Variants in STXBP5L observed in about 807,000 individuals in gnomAD.
STXBP5L encodes syntaxin binding protein 5L.
Under a neutral mutation model 144.5 loss-of-function variants are expected in STXBP5L, and 65 were observed. That is an observed-to-expected ratio of 0.45 (90% CI 0.37 to 0.55). The LOEUF is 0.55. Ranked by LOEUF, STXBP5L falls within the 20% of genes least tolerant of loss-of-function variation. The pLI is 0.00. For missense variants in STXBP5L, 1,298 were observed against 1,405.5 expected (o/e 0.92, Z 1.22); for synonymous variants, 505 against 469.6 (o/e 1.08, Z -0.97).
At chr3:121,056,897 T>C (rs553546034) in intron 5 of STXBP5L, among the ~76,000 whole-genome samples, 1 of 151,292 alleles carries the variant, frequency 6.6e-6, no homozygotes, top group Admixed American at 6.6e-5. Flanking sequence ...TATTTTTTTG[T>C]TAAACAAATT....
rs571649500 is a variant in STXBP5L, at chr3:121,079,617, C to A, written c.470+34082C>A. Among the ~76,000 whole-genome samples the A allele has an allele frequency of 2.0e-3, 301 of 152,280 alleles. 1 individual carries two copies. Among genetic ancestry groups the A allele is most frequent in the African/African-American group, 6.9e-3 (287 of 41,560 alleles). ...AATTCAAGAGCGTATTATTTAATTTCCATGATTTGTATAGTTTTGAAGGTT... is the reference window on the plus strand; with the variant it reads ...AATTCAAGAGCGTATTATTTAATTTACATGATTTGTATAGTTTTGAAGGTT... On this transcript the variant is annotated intron_variant, in intron 5 of 26. Transcript: ENST00000471454.
intron 20 of STXBP5L, among the ~76,000 whole-genome samples, chr3:121,336,946 T>C (rs939463968): frequency 1.3e-5 from 2 of 152,194 alleles, no homozygotes; most frequent in Non-Finnish European, 2.9e-5. Flanking sequence ...TCATGTCCTT[T>C]GCAGGAACAT....
chr3:121,415,784 C>A, intron 24 of STXBP5L, 73 bp from the exon 25 acceptor site: 1 of 1,015,156 alleles, frequency 9.9e-7, no homozygotes, highest in East Asian at 2.5e-5. Context: ...CCTACTATAT[C>A]ACAGTGTTAC....
intron 20 of STXBP5L, among the ~76,000 whole-genome samples, chr3:121,376,885 G>T (rs897174505): frequency 4.6e-5 from 7 of 152,116 alleles, no homozygotes; most frequent in Non-Finnish European, 8.8e-5. Flanking sequence ...CCATTTGTTT[G>T]TGTCCTCTTT....
At chr3:120,990,214 T>A (rs1019195420) in intron 3 of STXBP5L, among the ~76,000 whole-genome samples, 2 of 151,988 alleles carry the variant, frequency 1.3e-5, no homozygotes, top group Non-Finnish European at 2.9e-5. Flanking sequence ...CACAATTGCT[T>A]CAAAGAGAAT....
chr3:121,299,775 T>A (rs1442043367), intron 19 of STXBP5L, among the ~76,000 whole-genome samples: 1 of 151,742 alleles, frequency 6.6e-6, no homozygotes. Flanking sequence ...TCATTTGAAC[T>A]CAGGAGTTCA....
intron 4 of STXBP5L, among the ~76,000 whole-genome samples, chr3:121,045,004 C>G (rs2107563644): frequency 6.6e-6 from 1 of 152,134 alleles, no homozygotes; most frequent in East Asian, 1.9e-4. Flanking sequence ...ACAGAAAATT[C>G]TTGCAAAGGA....
intron 20 of STXBP5L, among the ~76,000 whole-genome samples, chr3:121,356,785 A>T (rs3845856): frequency 0.74 from 112,319 of 152,098 alleles, 41,622 homozygotes; most frequent in East Asian, 0.93. Flanking sequence ...TCACGCTGGA[A>T]GCTGCAGACC....
At chr3:121,156,451 T>C (rs190920471) in intron 8 of STXBP5L, among the ~76,000 whole-genome samples, 21 of 152,142 alleles carry the variant, frequency 1.4e-4, no homozygotes, top group African/African-American at 4.8e-4. Context: ...TTATGTCTAC[T>C]AGAATTTTTC....
Position 121,279,718 on chromosome 3 carries a change from C to A in STXBP5L, c.1959-87C>A, listed in dbSNP as rs191005180. The A allele has an allele frequency of 3.8e-5, 58 of 1,524,198 alleles. No individual in the cohort carries two copies. In the African/African-American group the frequency reaches 7.6e-4, roughly 20 times the overall value. The allele number at this position is 1,524,198 out of a possible 1,614,324, so 94.4% of individuals were successfully genotyped here. A position where few individuals can be genotyped will look rare whatever the true frequency, so the allele number is the denominator to read the frequency against. Reference sequence around the variant, plus strand: ...CAACTTCCCCAACCCTAAGACATTACTTTTCAATAATCCTATGATTGATTT... The same window carrying A: ...CAACTTCCCCAACCCTAAGACATTAATTTTCAATAATCCTATGATTGATTT... On this transcript the variant is annotated intron_variant, in intron 18 of 26. Coordinates refer to ENST00000471454, the MANE Select transcript of STXBP5L (RefSeq NM_001308330.2).
chr3:121,153,115 C>T (rs2045987469), intron 8 of STXBP5L, among the ~76,000 whole-genome samples: 1 of 151,992 alleles, frequency 6.6e-6, no homozygotes, highest in South Asian at 2.1e-4. Context: ...ATGACCAGAT[C>T]TTGAAGTAAG....
At chr3:121,063,525 G>C (rs1237498355) in intron 5 of STXBP5L, among the ~76,000 whole-genome samples, 3 of 152,340 alleles carry the variant, frequency 2.0e-5, no homozygotes, top group South Asian at 4.1e-4. Flanking sequence ...CTTGAGCACT[G>C]TGCTGGGAGA....
intron 11 of STXBP5L, among the ~76,000 whole-genome samples, chr3:121,227,240 G>A (rs1168061567): frequency 1.3e-5 from 2 of 152,070 alleles, no homozygotes; most frequent in African/African-American, 2.4e-5. Context: ...AAACATTTAA[G>A]CAACAAAAAC....
chr3:121,190,359 C>T (rs558282905), intron 9 of STXBP5L, among the ~76,000 whole-genome samples: 1 of 152,254 alleles, frequency 6.6e-6, no homozygotes, highest in East Asian at 1.9e-4. Context: ...TTTCAGAGAG[C>T]ACGGGGTTGG....
intron 5 of STXBP5L, among the ~76,000 whole-genome samples, chr3:121,054,208 A>G (rs905730399): frequency 3.3e-5 from 5 of 152,202 alleles, no homozygotes; most frequent in African/African-American, 1.2e-4. Context: ...CTAGAACTAG[A>G]AATACCATTT....
At chr3:121,212,601 G>C (rs1275447833) in intron 10 of STXBP5L, among the ~76,000 whole-genome samples, 1 of 147,954 alleles carries the variant, frequency 6.8e-6, no homozygotes, top group African/African-American at 2.4e-5. Context: ...GAAGCATGCT[G>C]TTTTCGTTAC....
chr3:121,193,986 TAATAAA>T (rs1255126146), intron 9 of STXBP5L, among the ~76,000 whole-genome samples: 5 of 147,854 alleles, frequency 3.4e-5, no homozygotes, highest in East Asian at 2.0e-4. Context: ...ATAATAATAA[TAATAAA>T]AAGAAATTTT....
intron 3 of STXBP5L, among the ~76,000 whole-genome samples, chr3:120,977,693 T>C (rs1368816210): frequency 6.6e-6 from 1 of 152,204 alleles, no homozygotes; most frequent in Non-Finnish European, 1.5e-5. Flanking sequence ...CAGTTGTTTC[T>C]TTCCATGTTT....
At chr3:121,155,229 A>G (rs1427660715) in intron 8 of STXBP5L, among the ~76,000 whole-genome samples, 1 of 151,834 alleles carries the variant, frequency 6.6e-6, no homozygotes, top group Non-Finnish European at 1.5e-5. Context: ...TAAATTTACA[A>G]CATCCTTCTA....
Sources: allele counts gnomAD v4.1 joint callset (sites outside exome capture counted in the v4.1 genomes callset), GRCh38; gene constraint gnomAD v4.1.1; transcripts MANE v1.5; gene names NCBI Gene and HGNC (gene_info 2026-07-23, HGNC 2026-07-21).